The following EYA2 variants were observed in gnomAD, a reference collection of about 807,000 sequenced individuals.
The protein encoded by EYA2 is EYA transcriptional coactivator and phosphatase 2, also known as protein phosphatase EYA2.
EYA2 carries 31 observed loss-of-function variants against 69.2 expected under a neutral mutation model. The observed-to-expected ratio is 0.45, with a 90% confidence interval of 0.34 to 0.60. EYA2 has a LOEUF of 0.60. Among genes scored for constraint, EYA2 ranks in the 20% least tolerant of loss-of-function variants. The probability of loss-of-function intolerance (pLI) is 0.02; values close to 1 mark genes in which losing one functional copy is unlikely to be tolerated. For missense variants in EYA2, 622 were observed against 701.2 expected, an observed-to-expected ratio of 0.89 and a Z score of 1.28; for synonymous variants, 257 against 279.4, an observed-to-expected ratio of 0.92 and a Z score of 0.80.
intron 5 of EYA2, among the ~76,000 whole-genome samples, chr20:47,018,642 G>A (rs1354001777): frequency 2.0e-5 from 3 of 152,182 alleles, no homozygotes; most frequent in African/African-American, 7.2e-5. Context: ...AAGGCCCCGC[G>A]GCAGGAAAAG....
chr20:47,010,033 C>T (rs1252125548), intron 4 of EYA2, among the ~76,000 whole-genome samples: 1 of 152,184 alleles, frequency 6.6e-6, no homozygotes, highest in Non-Finnish European at 1.5e-5. Flanking sequence ...CCATAACTTA[C>T]TTACCCATTC....
At chr20:46,898,286 T>G (rs1393882049) in intron 1 of EYA2, among the ~76,000 whole-genome samples, 2 of 151,504 alleles carry the variant, frequency 1.3e-5, no homozygotes, top group Non-Finnish European at 2.9e-5. Context: ...TTGTTTTTGT[T>G]TTTTTTAGCT....
At chr20:47,094,320 T>G (rs11697310) in intron 8 of EYA2, among the ~76,000 whole-genome samples, 13,829 of 152,316 alleles carry the variant, frequency 0.091, 821 homozygotes, top group Middle Eastern at 0.15. Flanking sequence ...TATTTGAATC[T>G]CAGAAGGTCC....
intron 9 of EYA2, among the ~76,000 whole-genome samples, chr20:47,126,760 T>G (rs969854779): frequency 1.3e-5 from 2 of 152,170 alleles, no homozygotes; most frequent in African/African-American, 4.8e-5. Flanking sequence ...ATCTTGTCCC[T>G]CAGAGGACAT....
At chr20:47,074,129 A>G in intron 6 of EYA2, 29 bp from the exon 7 acceptor site, 3 of 1,565,798 alleles carry the variant, frequency 1.9e-6, no homozygotes, top group Non-Finnish European at 8.7e-7. Flanking sequence ...TTCCTCACAT[A>G]TGTCCTTGGT....
At chr20:47,100,507 G>A (rs1294609627) in intron 9 of EYA2, among the ~76,000 whole-genome samples, 1 of 152,206 alleles carries the variant, frequency 6.6e-6, no homozygotes, top group Admixed American at 6.5e-5. Flanking sequence ...TAGAAGATTA[G>A]AGCTGGAAGG....
intron 1 of EYA2, among the ~76,000 whole-genome samples, chr20:46,929,820 C>T (rs566060240): frequency 4.4e-4 from 66 of 151,398 alleles, no homozygotes; most frequent in African/African-American, 1.6e-3. Context: ...TAGTGAGACA[C>T]TGTCTCTTAA....
At chr20:47,100,956 C>T (rs1308621051) in intron 9 of EYA2, among the ~76,000 whole-genome samples, 2 of 152,340 alleles carry the variant, frequency 1.3e-5, no homozygotes, top group Non-Finnish European at 2.9e-5. Context: ...TTTGGAGTGT[C>T]ACCAGCATTG....
At chr20:47,066,846 C>G (rs1225434282) in intron 5 of EYA2, among the ~76,000 whole-genome samples, 1 of 152,150 alleles carries the variant, frequency 6.6e-6, no homozygotes, top group African/African-American at 2.4e-5. Flanking sequence ...TTTGCCTTCC[C>G]TCACTGGGCA....
At chr20:46,994,816 G>C (rs1981909979) in intron 2 of EYA2, among the ~76,000 whole-genome samples, 1 of 151,992 alleles carries the variant, frequency 6.6e-6, no homozygotes, top group South Asian at 2.1e-4. Context: ...AGCTTCCACT[G>C]ATGGCAGTAG....
chr20:47,025,712 G>A (rs2146388004), intron 5 of EYA2, among the ~76,000 whole-genome samples: 1 of 152,340 alleles, frequency 6.6e-6, no homozygotes, highest in Non-Finnish European at 1.5e-5. Context: ...CAAGGGGCAA[G>A]TCTATATTTA....
At chr20:47,032,272 G>A (rs2146399325) in intron 5 of EYA2, among the ~76,000 whole-genome samples, 1 of 152,294 alleles carries the variant, frequency 6.6e-6, no homozygotes, top group East Asian at 1.9e-4. Flanking sequence ...CCTGGGCCCG[G>A]GGAACATGCA....
chr20:47,001,050 T>C (rs1982334133), intron 2 of EYA2, among the ~76,000 whole-genome samples: 1 of 152,110 alleles, frequency 6.6e-6, no homozygotes, highest in African/African-American at 2.4e-5. Flanking sequence ...ACCAGCTTGA[T>C]TCACTTCCTA....
intron 1 of EYA2, among the ~76,000 whole-genome samples, chr20:46,986,159 C>T (rs1981166628): frequency 2.0e-5 from 3 of 151,888 alleles, no homozygotes; most frequent in Middle Eastern, 3.4e-3. Flanking sequence ...GACACCTAGG[C>T]CTCTATCCTG....
intron 1 of EYA2, among the ~76,000 whole-genome samples, chr20:46,898,628 G>T (rs1983935861): frequency 6.6e-6 from 1 of 152,208 alleles, no homozygotes; most frequent in African/African-American, 2.4e-5. Flanking sequence ...ACTGTTTGAA[G>T]ATCGTAACTG....
intron 4 of EYA2, among the ~76,000 whole-genome samples, chr20:47,009,314 A>G (rs532029944): frequency 6.6e-6 from 1 of 152,360 alleles, no homozygotes; most frequent in South Asian, 2.1e-4. Context: ...TCGTCTGGAC[A>G]AACCTTGTTG....
At chr20:47,065,588 T>A in intron 5 of EYA2, among the ~76,000 whole-genome samples, 1 of 152,314 alleles carries the variant, frequency 6.6e-6, no homozygotes, top group East Asian at 1.9e-4. Flanking sequence ...GCAATTTAAA[T>A]TTGTTTAATT....
chr20:47,180,743 G>C, intron 13 of EYA2, 72 bp from the exon 14 acceptor site: 2 of 1,569,154 alleles, frequency 1.3e-6, no homozygotes, highest in Admixed American at 3.6e-5. Context: ...CCAACTGCAG[G>C]CTCATGCAGC....
chr20:47,188,381 T>TCCC lies in EYA2; in HGVS notation c.*249_*250insCCC. 1.7e-6 allele frequency: 1 copy of TCCC among 590,040 alleles called. No individual in the cohort carries two copies. Among genetic ancestry groups the TCCC allele is most frequent in the East Asian group, 2.8e-5 (1 of 36,240 alleles). The allele number at this position is 590,040 out of a possible 1,614,324, so 36.6% of individuals were successfully genotyped here. A position where few individuals can be genotyped will look rare whatever the true frequency, so the allele number is the denominator to read the frequency against. On this transcript the variant is annotated 3_prime_UTR_variant, in exon 16 of 16. Coordinates refer to ENST00000327619, the MANE Select transcript of EYA2 (RefSeq NM_005244.5). Reference sequence around the variant, plus strand: ...AAAAGGGCTGGCTCGGAGTCTAGACTCTTCTGTAAGACTCACAGAACAAAA... The same window carrying TCCC: ...AAAAGGGCTGGCTCGGAGTCTAGACTCCCCTTCTGTAAGACTCACAGAACAAAA...
Sources: gnomAD v4.1 joint callset for allele counts (sites outside exome capture counted in the v4.1 genomes callset) on GRCh38, gnomAD v4.1.1 for gene constraint, MANE v1.5 for transcripts, NCBI Gene and HGNC (gene_info 2026-07-23, HGNC 2026-07-21) for gene names.